Variants in DPYD observed in about 807,000 individuals in gnomAD.
DPYD encodes dihydropyrimidine dehydrogenase.
Under a neutral mutation model 116.2 loss-of-function variants are expected in DPYD, and 109 were observed. That is an observed-to-expected ratio of 0.94 (90% CI 0.80 to 1.10). The LOEUF (loss-of-function observed/expected upper bound fraction) is 1.10, where lower values mean the gene tolerates loss of function less well. Among genes scored for constraint, DPYD ranks in the 50% least tolerant of loss-of-function variants. The pLI is 0.00. For synonymous variants in DPYD, 440 were observed against 432.0 expected, an observed-to-expected ratio of 1.02 and a Z score of -0.23; for missense variants, 1,302 against 1,254.5, an observed-to-expected ratio of 1.04 and a Z score of -0.57.
intron 1 of DPYD, among the ~76,000 whole-genome samples, chr1:97,894,500 T>C (rs966432872): frequency 5.3e-5 from 8 of 151,800 alleles, no homozygotes; most frequent in Non-Finnish European, 1.0e-4. Flanking sequence ...TGGTACCATG[T>C]TGACTGTACC....
chr1:97,203,662 ACC>A (rs543772271), intron 19 of DPYD, among the ~76,000 whole-genome samples: 421 of 21,568 alleles, frequency 0.02, 34 homozygotes, highest in African/African-American at 0.074. Flanking sequence ...ATGAGTTCAG[ACC>A]CCCCCCCCCC....
At chr1:97,233,455 T>G (rs1221090507) in intron 19 of DPYD, among the ~76,000 whole-genome samples, 1 of 151,998 alleles carries the variant, frequency 6.6e-6, no homozygotes, top group African/African-American at 2.4e-5. Context: ...TTTTGCCCAG[T>G]GGGGATGTGA....
At chr1:97,257,815 C>T (rs1042720138) in intron 18 of DPYD, among the ~76,000 whole-genome samples, 1 of 151,784 alleles carries the variant, frequency 6.6e-6, no homozygotes, top group African/African-American at 2.4e-5. Context: ...AGACATTATC[C>T]CTGTCTTTAA....
chr1:97,705,981 T>C (rs1373260512), intron 5 of DPYD, among the ~76,000 whole-genome samples: 1 of 152,044 alleles, frequency 6.6e-6, no homozygotes, highest in Non-Finnish European at 1.5e-5. Flanking sequence ...TGATGGGTTT[T>C]TTTTCTTGTA....
intron 18 of DPYD, among the ~76,000 whole-genome samples, chr1:97,288,064 C>A (rs867849429): frequency 6.6e-6 from 1 of 150,860 alleles, no homozygotes; most frequent in Non-Finnish European, 1.5e-5. Context: ...GACTTTAAAC[C>A]AACAAAGATC....
intron 14 of DPYD, among the ~76,000 whole-genome samples, chr1:97,434,636 C>T (rs1270682384): frequency 1.3e-5 from 2 of 151,986 alleles, no homozygotes; most frequent in African/African-American, 2.4e-5. Flanking sequence ...TCATTAGCAC[C>T]TCCACCAAAG....
At chr1:97,303,754 G>T (rs1296290314) in intron 18 of DPYD, among the ~76,000 whole-genome samples, 2 of 151,978 alleles carry the variant, frequency 1.3e-5, no homozygotes, top group African/African-American at 4.8e-5. Context: ...CCTTTAAAAT[G>T]TTAGGGATTT....
chr1:97,495,186 T>A (rs1340760850), intron 13 of DPYD, among the ~76,000 whole-genome samples: 1 of 152,082 alleles, frequency 6.6e-6, no homozygotes, highest in Non-Finnish European at 1.5e-5. Flanking sequence ...AAAGTTAAGA[T>A]GAGAGAGGGC....
intron 11 of DPYD, among the ~76,000 whole-genome samples, chr1:97,554,094 T>A (rs541871858): frequency 3.4e-4 from 52 of 152,240 alleles, no homozygotes; most frequent in African/African-American, 1.2e-3. Flanking sequence ...TGATTTTTTA[T>A]ACAGACTTAA....
At chr1:97,243,499 T>C (rs1395179102) in intron 18 of DPYD, among the ~76,000 whole-genome samples, 1 of 151,872 alleles carries the variant, frequency 6.6e-6, no homozygotes, top group Non-Finnish European at 1.5e-5. Context: ...ATGGGTCCAG[T>C]ATTTGAATCC....
chr1:97,183,832 G>T (rs1310261538), intron 20 of DPYD, among the ~76,000 whole-genome samples: 1 of 151,978 alleles, frequency 6.6e-6, no homozygotes, highest in Non-Finnish European at 1.5e-5. Context: ...CGTGTCATGG[G>T]GGTTCATTAT....
At chr1:97,349,970 T>G (rs939726292) in intron 16 of DPYD, among the ~76,000 whole-genome samples, 40 of 145,944 alleles carry the variant, frequency 2.7e-4, no homozygotes, top group African/African-American at 9.9e-4. Flanking sequence ...TGCTGCAGAT[T>G]CAAACAAGAG....
chr1:97,653,156 G>C (rs145205051), intron 8 of DPYD, among the ~76,000 whole-genome samples: 44 of 152,258 alleles, frequency 2.9e-4, no homozygotes, highest in African/African-American at 9.4e-4. Flanking sequence ...TCTCTGGGAA[G>C]AGAGTATGCC....
intron 3 of DPYD, among the ~76,000 whole-genome samples, chr1:97,740,740 C>G (rs1274020836): frequency 6.6e-6 from 1 of 152,120 alleles, no homozygotes; most frequent in Non-Finnish European, 1.5e-5. Context: ...GAGAATCATA[C>G]TTATTTAGGA....
At chr1:97,795,999 G>A (rs1329333874) in intron 3 of DPYD, among the ~76,000 whole-genome samples, 1 of 151,874 alleles carries the variant, frequency 6.6e-6, no homozygotes, top group Non-Finnish European at 1.5e-5. Context: ...TAACAATGAT[G>A]GTAATAGCTT....
chr1:97,736,952 T>G (rs557958088), intron 4 of DPYD, among the ~76,000 whole-genome samples: 1 of 151,966 alleles, frequency 6.6e-6, no homozygotes, highest in Admixed American at 6.6e-5. Flanking sequence ...CACTGATTTT[T>G]GAATCACTCA....
chr1:97,798,468 C>A (rs1394746752), intron 3 of DPYD, among the ~76,000 whole-genome samples: 1 of 151,898 alleles, frequency 6.6e-6, no homozygotes, highest in Non-Finnish European at 1.5e-5. Flanking sequence ...ATATCTTCAC[C>A]TCAATCCTGT....
chr1:97,443,581 A>G (rs945298083), intron 14 of DPYD, among the ~76,000 whole-genome samples: 5 of 152,252 alleles, frequency 3.3e-5, no homozygotes, highest in Non-Finnish European at 7.3e-5. Context: ...TCCCTTCAGT[A>G]CAGAGACTTA....
At chr1:97,512,189 G>T (rs961254342) in intron 13 of DPYD, among the ~76,000 whole-genome samples, 4 of 151,806 alleles carry the variant, frequency 2.6e-5, no homozygotes, top group African/African-American at 9.7e-5. Context: ...GTGCTATGGG[G>T]TATAAGGTTG....
Sources: gnomAD v4.1 joint callset for allele counts (sites outside exome capture counted in the v4.1 genomes callset) on GRCh38, gnomAD v4.1.1 for gene constraint, MANE v1.5 for transcripts, NCBI Gene and HGNC (gene_info 2026-07-23, HGNC 2026-07-21) for gene names.